The following ACOT7 variants were observed in gnomAD, a reference collection of about 807,000 sequenced individuals.
ACOT7 encodes cytosolic acyl coenzyme A thioester hydrolase.
Under a neutral mutation model 40.2 loss-of-function variants are expected in ACOT7, and 12 were observed. The observed-to-expected ratio is 0.30, with a 90% CI of 0.19 to 0.48. ACOT7 has a LOEUF of 0.48. Among genes scored for constraint, ACOT7 ranks in the 20% least tolerant of loss-of-function variants. ACOT7 has a pLI of 0.99. For missense variants in ACOT7, 395 were observed against 530.8 expected, an observed-to-expected ratio of 0.74 and a Z score of 2.51; for synonymous variants, 228 against 219.5, an observed-to-expected ratio of 1.04 and a Z score of -0.34.
intron 1 of ACOT7, among the ~76,000 whole-genome samples, chr1:6,391,683 G>A (rs1420665111): frequency 6.6e-6 from 1 of 152,184 alleles, no homozygotes; most frequent in African/African-American, 2.4e-5. Context: ...GGAGTCAGAA[G>A]ACTTGGGCAG....
chr1:6,379,650 T>C (rs1191463815), intron 1 of ACOT7, among the ~76,000 whole-genome samples: 1 of 151,554 alleles, frequency 6.6e-6, no homozygotes, highest in Non-Finnish European at 1.5e-5. Flanking sequence ...TTTGTAGAGA[T>C]GGGGTCTTCC....
In ACOT7 at chr1:6,306,292, G is replaced by C; in HGVS notation, c.713-11312C>G. 1.0e-6 allele frequency: 1 copy of C among 985,296 alleles called. No homozygotes were observed. The allele number at this position is 985,296 out of a possible 1,614,324, so 61.0% of individuals were successfully genotyped here. A position where few individuals can be genotyped will look rare whatever the true frequency, so the allele number is the denominator to read the frequency against. On this transcript the variant is annotated intron_variant, in intron 6 of 8. Transcript: ENST00000361521. This position sits in a 1 kb window ranked among gnomAD's most constrained non-coding sequence, Gnocchi z 4.3. Reference sequence around the variant, plus strand: ...ACCAAATACTCCATATTTCTGGAAAGGGGTCAGTGCCCCATGATTTGAGAG... The same window carrying C: ...ACCAAATACTCCATATTTCTGGAAACGGGTCAGTGCCCCATGATTTGAGAG...
intron 6 of ACOT7, among the ~76,000 whole-genome samples, chr1:6,308,841 G>A (rs1225482221): frequency 2.0e-5 from 3 of 150,566 alleles, no homozygotes; most frequent in South Asian, 2.1e-4. Context: ...AGGGAACAGC[G>A]ACCGGACAGA....
chr1:6,304,379 T>C (rs1396876007), intron 6 of ACOT7, among the ~76,000 whole-genome samples: 1 of 142,790 alleles, frequency 7.0e-6, no homozygotes, highest in Non-Finnish European at 1.5e-5. Flanking sequence ...CGTACACAGG[T>C]AGAAAAGTAC....
rs1642569638 is a variant in ACOT7, at chr1:6,393,377, T to A, written c.23A>T (p.His8Leu). The A allele has an allele frequency of 2.4e-6, 3 of 1,233,484 alleles. No individual in the cohort carries two copies. The highest frequency in any genetic ancestry group is 3.1e-5 in the African/African-American group (2 of 64,010). 76.4% of individuals were successfully genotyped at this position (1,233,484 alleles called of 1,614,324 possible). Residue 8 changes from histidine to leucine, a missense_variant, in exon 1 of 9, where the codon CAT (histidine) becomes CTT (leucine). By Grantham distance (99) the His-to-Leu change is moderately conservative. Around this residue, in one of 2 missense-constraint regions of ACOT7, gnomAD observed 86 missense variants for 60.5 expected, o/e 1.42. Coordinates refer to ENST00000361521, the MANE Select transcript of ACOT7 (RefSeq NM_007274.4). ...GGTGTCTGGCAGGCCCGGCGCGGAA[T>A]GAATGAGCCCGGGCCGCGCCATAAA... MARPGLIHSAPGLPDTCA... is the reference protein window; with the variant it reads MARPGLILSAPGLPDTCA...
At chr1:6,267,461 ATGCC>A (rs112611465) in intron 8 of ACOT7, among the ~76,000 whole-genome samples, 48 of 152,030 alleles carry the variant, frequency 3.2e-4, no homozygotes, top group East Asian at 7.7e-4. Flanking sequence ...AGGTCAGGAG[ATGCC>A]TGCCTGCCTG....
In ACOT7 at chr1:6,274,044, GCTT is replaced by G. The variant is rs550671317; in HGVS notation, c.1014+7055_1014+7057del. Among the ~76,000 whole-genome samples, 3 of 152,316 alleles carry G rather than the reference GCTT, an allele frequency of 2.0e-5. No homozygotes were observed. The South Asian group carries it at 6.2e-4, about 32-fold the overall frequency. ...AGGAATGGCCACCTCTGCTCCTGAG[GCTT>G]CTTCGAGAGGAACGGGGCCCATGCG... On this transcript the variant is annotated intron_variant, in intron 8 of 8. Transcript: ENST00000361521. The surrounding 1 kb of genome is among the most constrained non-coding windows in gnomAD (Gnocchi z 5.9).
At chr1:6,345,546 G>T (rs1641396131) in intron 2 of ACOT7, among the ~76,000 whole-genome samples, 1 of 152,200 alleles carries the variant, frequency 6.6e-6, no homozygotes, top group African/African-American at 2.4e-5. Flanking sequence ...CGGTGCTTAG[G>T]AAACGCCCAG....
At chr1:6,298,429 C>G (rs1005901332) in intron 6 of ACOT7, among the ~76,000 whole-genome samples, 4 of 152,180 alleles carry the variant, frequency 2.6e-5, no homozygotes, top group Non-Finnish European at 5.9e-5. Flanking sequence ...GCTACTGCGC[C>G]CAGGTGCATC....
chr1:6,341,227 C>T (rs776081586), intron 2 of ACOT7, among the ~76,000 whole-genome samples: 16 of 151,572 alleles, frequency 1.1e-4, no homozygotes, highest in African/African-American at 2.9e-4. Flanking sequence ...CTGCAACCTC[C>T]GCCTCCAGGA....
At chr1:6,319,660 A>AT (rs1257056314) in intron 5 of ACOT7, among the ~76,000 whole-genome samples, 6 of 152,336 alleles carry the variant, frequency 3.9e-5, no homozygotes, top group Non-Finnish European at 7.4e-5. Context: ...TTATGACAAA[A>AT]TTAGCCCTGC....
intron 2 of ACOT7, among the ~76,000 whole-genome samples, chr1:6,344,483 G>A (rs1641362592): frequency 6.6e-6 from 1 of 152,124 alleles, no homozygotes; most frequent in African/African-American, 2.4e-5. Context: ...GAAAAAAGTA[G>A]GGCCGGGCGC....
At chr1:6,354,237 G>A (rs192051495) in intron 1 of ACOT7, among the ~76,000 whole-genome samples, 5 of 152,280 alleles carry the variant, frequency 3.3e-5, no homozygotes, top group African/African-American at 4.8e-5. Context: ...ATGGGTCAAG[G>A]AGCCACTCCC....
Position 6,281,254 on chromosome 1 carries a change from AG to A in ACOT7, c.861del (p.Phe288SerfsTer38). The A allele has an allele frequency of 6.2e-7, 1 of 1,613,856 alleles. No individual in the cohort carries two copies. The highest frequency in any genetic ancestry group is 8.5e-7 in the Non-Finnish European group (1 of 1,179,930). The part of the protein sequence containing the change: ...GCVITISGRM[T>X]FTSNKSMEIE... ...ATCTCCATGGACTTATTGCTCGTGA[AG>A]GTCATGCGTCCCGAGATGGTGATGA... On this transcript the variant is annotated frameshift_variant, in exon 8 of 9. Transcript: ENST00000361521. LOFTEE classifies it high-confidence loss of function.
At chr1:6,271,634 C>T (rs1415488701) in intron 8 of ACOT7, among the ~76,000 whole-genome samples, 2 of 152,184 alleles carry the variant, frequency 1.3e-5, no homozygotes, top group African/African-American at 2.4e-5. Context: ...CTCCGCCATC[C>T]GCTGTGGCCT....
chr1:6,365,228 C>A (rs1488623997), intron 1 of ACOT7, among the ~76,000 whole-genome samples: 1 of 152,100 alleles, frequency 6.6e-6, no homozygotes. Context: ...AGCAGAGGGC[C>A]TCAGCAGGGT....
Position 6,379,448 on chromosome 1 carries a change from A to C in ACOT7, c.143+13809T>G, listed in dbSNP as rs189697248. ...ATAGGTCAAACACCTAAATGGTAAG[A>C]GCTAAAGCTATGTAACTTTTTTTTT... On this transcript the variant is annotated intron_variant, in intron 1 of 8. Transcript: ENST00000361521. Among the ~76,000 whole-genome samples, 533 of 151,756 alleles carry C rather than the reference A, an allele frequency of 3.5e-3. 3 individuals carry two copies. Among genetic ancestry groups the C allele is most frequent in the African/African-American group, 0.011 (465 of 41,484 alleles).
intron 2 of ACOT7, among the ~76,000 whole-genome samples, chr1:6,344,354 A>G (rs1641359745): frequency 6.6e-6 from 1 of 152,230 alleles, no homozygotes; most frequent in Admixed American, 6.5e-5. Context: ...AGAACCATCC[A>G]GTAGCCTTCC....
At chr1:6,318,344 C>G in intron 6 of ACOT7, 148 bp downstream of exon 6, 1 of 859,386 alleles carries the variant, frequency 1.2e-6, no homozygotes, top group Non-Finnish European at 1.8e-6. Context: ...GCATGTGCCA[C>G]TGCACCTGGC....
Sources: gnomAD v4.1 joint callset for allele counts (sites outside exome capture counted in the v4.1 genomes callset) on GRCh38, gnomAD v4.1.1 for gene constraint, gnomAD v4.1.1 regional missense constraint, Gnocchi (gnomAD v3.1) non-coding constraint, MANE v1.5 for transcripts, NCBI Gene and HGNC (gene_info 2026-07-23, HGNC 2026-07-21) for gene names.